DNAH14: variants seen among roughly 807,000 people sequenced by gnomAD.
DNAH14 encodes the protein axonemal beta dynein heavy chain 14.
Under a neutral mutation model 520.9 loss-of-function variants are expected in DNAH14, and 478 were observed. That is an observed-to-expected ratio of 0.92 (90% CI 0.85 to 0.99). The LOEUF is 0.99. DNAH14 is among the 50% of genes least tolerant of loss of function. DNAH14 has a pLI of 0.00. For missense variants in DNAH14, 4,831 were observed against 5,234.5 expected, an observed-to-expected ratio of 0.92 and a Z score of 2.38; for synonymous variants, 1,581 against 1,757.2, an observed-to-expected ratio of 0.90 and a Z score of 2.51.
intron 73 of DNAH14, 147 bp from the exon 74 acceptor site, chr1:225,358,349 G>T (rs2095455503): frequency 1.4e-6 from 1 of 690,136 alleles, no homozygotes; most frequent in African/African-American, 1.8e-5. Flanking sequence ...TCCATGCATA[G>T]TCTGTCCCAT....
At position 225,232,991 on chromosome 1, in the gene DNAH14, T is replaced by C. The variant is rs1006415475; in HGVS notation, c.6518+1840T>C. On this transcript the variant is annotated intron_variant, in intron 42 of 85. Coordinates refer to ENST00000682510, the MANE Select transcript of DNAH14 (RefSeq NM_001367479.1). This position sits in a 1 kb window ranked among gnomAD's most constrained non-coding sequence, Gnocchi z 4.2. ...CCCCAACAGTCCCCAGTGTGTGTTGTTCCCCTGCCCATGTGTCCATGTGTT... is the reference window on the plus strand; with the variant it reads ...CCCCAACAGTCCCCAGTGTGTGTTGCTCCCCTGCCCATGTGTCCATGTGTT... Among the ~76,000 whole-genome samples, 2 of 152,168 alleles carry C rather than the reference T, an allele frequency of 1.3e-5. No homozygotes were observed. Among genetic ancestry groups the C allele is most frequent in the African/African-American group, 2.4e-5 (1 of 41,460 alleles).
chr1:225,206,874 A>T (rs1265089512), intron 40 of DNAH14, 94 bp from the exon 41 acceptor site: 4 of 1,074,888 alleles, frequency 3.7e-6, no homozygotes, highest in African/African-American at 1.7e-5. Flanking sequence ...TATTTATGAG[A>T]GGGCAGTGGT....
chr1:225,389,339 T>C, intron 82 of DNAH14, among the ~76,000 whole-genome samples: 1 of 152,248 alleles, frequency 6.6e-6, no homozygotes, highest in East Asian at 1.9e-4. Context: ...CAGAACTGGT[T>C]CCAAAGTCTG....
intron 10 of DNAH14, among the ~76,000 whole-genome samples, chr1:225,022,702 A>G (rs2065804724): frequency 1.3e-5 from 2 of 152,328 alleles, no homozygotes; most frequent in South Asian, 2.1e-4. Flanking sequence ...CAAAGAACTT[A>G]AAAGAGAACT....
chr1:224,961,591 A>G (rs1371184499), intron 4 of DNAH14, among the ~76,000 whole-genome samples: 1 of 152,098 alleles, frequency 6.6e-6, no homozygotes, highest in Non-Finnish European at 1.5e-5. Flanking sequence ...TTATAAAACA[A>G]TCAGATCTCA....
intron 28 of DNAH14, among the ~76,000 whole-genome samples, chr1:225,141,804 C>T (rs999494384): frequency 1.3e-5 from 2 of 152,172 alleles, no homozygotes; most frequent in Non-Finnish European, 2.9e-5. Flanking sequence ...CTGCCTTCCT[C>T]CTACCTGGAG....
chr1:225,250,924 C>CA (rs899795756), intron 43 of DNAH14, among the ~76,000 whole-genome samples: 1 of 152,070 alleles, frequency 6.6e-6, no homozygotes, highest in African/African-American at 2.4e-5. Flanking sequence ...GCCTTAATCC[C>CA]ATCTGACTGG....
intron 42 of DNAH14, 23 bp from the exon 43 acceptor site, chr1:225,240,570 C>T (rs2149633080): frequency 1.5e-6 from 2 of 1,363,166 alleles, no homozygotes; most frequent in East Asian, 5.0e-5. Context: ...TAACCTTCAT[C>T]CTTCCATACC....
chr1:224,972,811 A>T (rs1182413414), intron 7 of DNAH14, among the ~76,000 whole-genome samples: 1 of 152,202 alleles, frequency 6.6e-6, no homozygotes, highest in Non-Finnish European at 1.5e-5. Context: ...TCACTATATT[A>T]TAAAAGGTAA....
intron 10 of DNAH14, among the ~76,000 whole-genome samples, chr1:225,009,909 T>G (rs545320036): frequency 6.6e-6 from 1 of 152,326 alleles, no homozygotes; most frequent in South Asian, 2.1e-4. Context: ...CTATTATAGG[T>G]GTATAGGAAC....
intron 15 of DNAH14, among the ~76,000 whole-genome samples, chr1:225,045,480 C>A (rs1039899052): frequency 1.3e-4 from 19 of 151,974 alleles, no homozygotes; most frequent in African/African-American, 4.3e-4. Context: ...GATCTAATCC[C>A]GGATCACACA....
chr1:224,980,248 A>C (rs1276748768), intron 8 of DNAH14, among the ~76,000 whole-genome samples: 5 of 152,118 alleles, frequency 3.3e-5, no homozygotes, highest in African/African-American at 1.2e-4. Flanking sequence ...ACTGGGACAG[A>C]GGAGAGCACA....
intron 60 of DNAH14, among the ~76,000 whole-genome samples, chr1:225,311,579 TG>T (rs1378020970): frequency 6.6e-6 from 1 of 152,242 alleles, no homozygotes; most frequent in African/African-American, 2.4e-5. Flanking sequence ...TTTTATGGTT[TG>T]GGGTCTTACA....
Position 225,181,633 on chromosome 1 carries a change from G to A in DNAH14, c.5536-3658G>A, listed in dbSNP as rs941826385. Among the ~76,000 whole-genome samples, 11 of 152,244 alleles carry A rather than the reference G, an allele frequency of 7.2e-5. No homozygotes were observed. In the South Asian group the frequency reaches 8.3e-4, roughly 11 times the overall value. ...CCTCTTATATGTCTTCTTTTGAGAA[G>A]TGTCTGTTCATCTCCTTTGCCCACT... On this transcript the variant is annotated intron_variant, in intron 36 of 85. Coordinates refer to ENST00000682510, the MANE Select transcript of DNAH14 (RefSeq NM_001367479.1).
At chr1:225,090,960 T>C (rs2074330306) in intron 21 of DNAH14, among the ~76,000 whole-genome samples, 1 of 152,132 alleles carries the variant, frequency 6.6e-6, no homozygotes, top group African/African-American at 2.4e-5. Context: ...GAGAAAATAT[T>C]TGTAAAGCAT....
At chr1:224,989,859 T>C (rs1478815094) in intron 8 of DNAH14, among the ~76,000 whole-genome samples, 2 of 152,144 alleles carry the variant, frequency 1.3e-5, no homozygotes, top group African/African-American at 4.8e-5. Context: ...AATGGTAAAG[T>C]ACATTGATAG....
At chr1:225,310,076 TAAATA>T (rs1168065076) in intron 60 of DNAH14, among the ~76,000 whole-genome samples, 21 of 151,244 alleles carry the variant, frequency 1.4e-4, no homozygotes, top group African/African-American at 2.9e-4. Flanking sequence ...AATAAATAAA[TAAATA>T]AGAGTACGGC....
chr1:225,352,828 C>T (rs2095384203), intron 72 of DNAH14, among the ~76,000 whole-genome samples: 1 of 151,900 alleles, frequency 6.6e-6, no homozygotes. Context: ...TTCCTTTAAA[C>T]ATTCTTGATT....
chr1:225,164,242 A>G (rs747279701), intron 35 of DNAH14, among the ~76,000 whole-genome samples: 7 of 152,066 alleles, frequency 4.6e-5, no homozygotes, highest in Non-Finnish European at 1.0e-4. Flanking sequence ...TCACTCTTTT[A>G]TCAGCCTCCT....
Sources: allele counts gnomAD v4.1 joint callset (sites outside exome capture counted in the v4.1 genomes callset), GRCh38; gene constraint gnomAD v4.1.1; non-coding constraint Gnocchi (gnomAD v3.1); transcripts MANE v1.5; gene names NCBI Gene and HGNC (gene_info 2026-07-23, HGNC 2026-07-21).